The following LYZL4 variants were observed in gnomAD, a reference collection of about 807,000 sequenced individuals.
The protein encoded by LYZL4 is lysozyme-like protein 4.
LYZL4 carries 13 observed loss-of-function variants against 17.6 expected under a neutral mutation model. That is an observed-to-expected ratio of 0.74 (90% CI 0.48 to 1.18). The LOEUF is 1.18. Among genes scored for constraint, LYZL4 ranks in the 50% most tolerant of loss-of-function variants. The pLI is 0.00. For missense variants in LYZL4, 174 were observed against 188.2 expected, an observed-to-expected ratio of 0.92 and a Z score of 0.44; for synonymous variants, 64 against 67.7, an observed-to-expected ratio of 0.95 and a Z score of 0.27.
At chr3:42,388,833 A>G in the LYZL4 span, among the ~76,000 whole-genome samples, 12 of 152,242 alleles carry the variant, frequency 7.9e-5, no homozygotes, top group Admixed American at 7.8e-4. Context: ...AATAGATAAT[A>G]AAAACATTTT....
At chr3:42,387,351 G>A in the LYZL4 span, among the ~76,000 whole-genome samples, 4 of 152,270 alleles carry the variant, frequency 2.6e-5, no homozygotes, top group Non-Finnish European at 5.9e-5. Flanking sequence ...CACCTAGCGT[G>A]GGCCTCATAC....
At chr3:42,376,107 T>C in the LYZL4 span, among the ~76,000 whole-genome samples, 1 of 151,972 alleles carries the variant, frequency 6.6e-6, no homozygotes, top group African/African-American at 2.4e-5. Context: ...CCCCTCAAGG[T>C]TGTGGAAATG....
At position 42,397,108 on chromosome 3, in the gene LYZL4, G is replaced by T; in HGVS notation, c.*157C>A. The stretch of plus-strand genomic sequence containing the variant: ...TTGAGTAACTAGTTTGGTTTATTCT[G>T]CATCCTGCATCCCCGGATGAAGCAA... On this transcript the variant is annotated 3_prime_UTR_variant, in exon 5 of 5. Coordinates refer to ENST00000287748, the MANE Select transcript of LYZL4 (RefSeq NM_144634.4). The T allele has an allele frequency of 1.7e-6, 1 of 572,906 alleles. No homozygotes were observed. The highest frequency in any genetic ancestry group is 3.2e-6 in the Non-Finnish European group (1 of 313,676). 35.5% of individuals were successfully genotyped at this position (572,906 alleles called of 1,614,324 possible).
chr3:42,407,497 C>G, intron 1 of LYZL4, 154 bp from the exon 2 acceptor site: 1 of 530,834 alleles, frequency 1.9e-6, no homozygotes, highest in Non-Finnish European at 3.4e-6. Flanking sequence ...TCCTCTTGAC[C>G]TCCTATTTTC....
the LYZL4 span, among the ~76,000 whole-genome samples, chr3:42,377,620 A>ACT: frequency 1.0e-3 from 92 of 89,478 alleles, no homozygotes; most frequent in Middle Eastern, 0.02. Flanking sequence ...GTGATGCATG[A>ACT]CTCTCTGTGT....
At chr3:42,362,343 G>T in the LYZL4 span, among the ~76,000 whole-genome samples, 1 of 152,152 alleles carries the variant, frequency 6.6e-6, no homozygotes, top group Non-Finnish European at 1.5e-5. Flanking sequence ...GATTTAGAAA[G>T]GCACCATCTG....
chr3:42,368,649 G>C, the LYZL4 span, among the ~76,000 whole-genome samples: 1 of 151,698 alleles, frequency 6.6e-6, no homozygotes, highest in East Asian at 1.9e-4. Context: ...TTGTAAATAA[G>C]GGCACCGTAT....
chr3:42,403,084 C>T (rs1332413787), intron 4 of LYZL4, among the ~76,000 whole-genome samples: 1 of 152,120 alleles, frequency 6.6e-6, no homozygotes, highest in Non-Finnish European at 1.5e-5. Context: ...ATACAAAAAT[C>T]AGTTAATGTA....
the LYZL4 span, among the ~76,000 whole-genome samples, chr3:42,364,086 A>T: frequency 5.9e-5 from 9 of 152,128 alleles, no homozygotes; most frequent in African/African-American, 2.2e-4. Context: ...TTGTGGGGCC[A>T]TCTCCCACCT....
At chr3:42,396,028 C>T (rs1481238371), downstream of LYZL4, among the ~76,000 whole-genome samples, 1 of 151,942 alleles carries the variant, frequency 6.6e-6, no homozygotes, top group African/African-American at 2.4e-5. Flanking sequence ...CGCCATTGCA[C>T]TCCAGCAATG....
At chr3:42,390,880 C>A in the LYZL4 span, among the ~76,000 whole-genome samples, 5 of 152,098 alleles carry the variant, frequency 3.3e-5, no homozygotes, top group African/African-American at 1.2e-4. Flanking sequence ...AATCAGCATG[C>A]CAGAATAATT....
chr3:42,399,917 AGTTTTTG>A (rs560644755), intron 4 of LYZL4, among the ~76,000 whole-genome samples: 8,037 of 151,506 alleles, frequency 0.053, 657 homozygotes, highest in African/African-American at 0.18. Context: ...AAGTCATCAC[AGTTTTTG>A]CCATTAAGAG....
the LYZL4 span, among the ~76,000 whole-genome samples, chr3:42,373,010 C>G: frequency 2.0e-5 from 3 of 151,976 alleles, no homozygotes; most frequent in African/African-American, 7.3e-5. Flanking sequence ...AGTTTGAGAC[C>G]AGCCTGGCCA....
chr3:42,404,131 G>A lies in LYZL4; in HGVS notation c.293-7C>T, dbSNP rs752620593. 3.7e-6 allele frequency: 6 copies of A among 1,601,270 alleles called. No individual in the cohort carries two copies. Among genetic ancestry groups the A allele is most frequent in the Non-Finnish European group, 5.1e-6 (6 of 1,168,916 alleles). On this transcript the variant is annotated splice_polypyrimidine_tract_variant and splice_region_variant and intron_variant, in intron 3 of 4. Coordinates refer to ENST00000287748, the MANE Select transcript of LYZL4 (RefSeq NM_144634.4). ...AAATTAGGATTCAGTAAAGCTGTGG[G>A]GAAAAGAAAATGGAAGATACCATGC...
the LYZL4 span, among the ~76,000 whole-genome samples, chr3:42,384,285 C>T: frequency 3.0e-4 from 46 of 152,108 alleles, no homozygotes; most frequent in African/African-American, 1.1e-3. Flanking sequence ...TTCAAGAGTC[C>T]CTTGCACTCT....
At chr3:42,379,911 A>G in the LYZL4 span, among the ~76,000 whole-genome samples, 1 of 152,208 alleles carries the variant, frequency 6.6e-6, no homozygotes, top group Admixed American at 6.5e-5. Flanking sequence ...TCTTACAAAA[A>G]GGGAAGGAAA....
At chr3:42,361,297 T>C in the LYZL4 span, among the ~76,000 whole-genome samples, 5 of 152,194 alleles carry the variant, frequency 3.3e-5, no homozygotes, top group African/African-American at 1.2e-4. Flanking sequence ...GGAACACATG[T>C]AGGTCTTCCT....
intron 3 of LYZL4, among the ~76,000 whole-genome samples, chr3:42,406,168 G>A (rs984353175): frequency 1.6e-4 from 25 of 152,170 alleles, no homozygotes; most frequent in Admixed American, 3.9e-4. Context: ...GAAAAAGGGA[G>A]AGGGGTCAGG....
chr3:42,373,032 C>A, the LYZL4 span, among the ~76,000 whole-genome samples: 1 of 151,908 alleles, frequency 6.6e-6, no homozygotes, highest in African/African-American at 2.4e-5. Context: ...CATGGTGAGA[C>A]CTTGTCTCCA....
Sources: gnomAD v4.1 joint callset for allele counts (sites outside exome capture counted in the v4.1 genomes callset) on GRCh38, gnomAD v4.1.1 for gene constraint, MANE v1.5 for transcripts, NCBI Gene and HGNC (gene_info 2026-07-23, HGNC 2026-07-21) for gene names.